The following ARHGAP24 variants were observed in gnomAD, a reference collection of about 807,000 sequenced individuals.
ARHGAP24 encodes the protein rho GTPase-activating protein 24.
In ARHGAP24, 50 loss-of-function variants were observed where a neutral mutation model predicts 76.4. The ratio of observed to expected loss-of-function variants is 0.65; its 90% confidence interval spans 0.52 to 0.83. ARHGAP24 has a LOEUF of 0.83. ARHGAP24 is among the 40% of genes least tolerant of loss of function. The pLI is 0.00. For missense variants in ARHGAP24, 930 were observed against 914.2 expected, an observed-to-expected ratio of 1.02 and a Z score of -0.22; for synonymous variants, 345 against 323.3, an observed-to-expected ratio of 1.07 and a Z score of -0.72.
chr4:85,689,183 G>T (rs930138317), intron 2 of ARHGAP24, among the ~76,000 whole-genome samples: 1 of 152,030 alleles, frequency 6.6e-6, no homozygotes, highest in Non-Finnish European at 1.5e-5. Flanking sequence ...CCATCAGCAT[G>T]GTTTATTCTT....
At chr4:85,880,517 TTTTGTGTGTG>T (rs889037340) in intron 3 of ARHGAP24, among the ~76,000 whole-genome samples, 4 of 22,596 alleles carry the variant, frequency 1.8e-4, no homozygotes, top group Admixed American at 6.8e-4. Context: ...AATGCATAAC[TTTTGTGTGTG>T]TGTGTGTGTG....
chr4:85,799,358 C>T (rs975009629), intron 3 of ARHGAP24, among the ~76,000 whole-genome samples: 1 of 151,932 alleles, frequency 6.6e-6, no homozygotes, highest in Non-Finnish European at 1.5e-5. Flanking sequence ...AAAGGGCCCA[C>T]TAACCAACTT....
At chr4:85,528,616 A>T (rs1475772351) in intron 1 of ARHGAP24, among the ~76,000 whole-genome samples, 1 of 152,008 alleles carries the variant, frequency 6.6e-6, no homozygotes, top group Non-Finnish European at 1.5e-5. Context: ...CATCTAATTT[A>T]TTGGGTTGAC....
chr4:85,974,994 G>A (rs1437369800), intron 7 of ARHGAP24, 33 bp downstream of exon 7: 3 of 1,577,882 alleles, frequency 1.9e-6, no homozygotes, highest in African/African-American at 1.3e-5. Context: ...ACGTAAACAA[G>A]ACAAGACATA....
chr4:85,584,213 C>T (rs1212883452), intron 2 of ARHGAP24, among the ~76,000 whole-genome samples: 7 of 152,042 alleles, frequency 4.6e-5, no homozygotes. Context: ...CAATGATAGA[C>T]TGGATTAAGA....
At chr4:85,675,909 C>A (rs146599637) in intron 2 of ARHGAP24, among the ~76,000 whole-genome samples, 4 of 152,264 alleles carry the variant, frequency 2.6e-5, no homozygotes, top group Admixed American at 2.6e-4. Context: ...ATATCTGACT[C>A]CTGCCCTGGA....
chr4:85,714,349 C>G (rs1724653686), intron 2 of ARHGAP24, among the ~76,000 whole-genome samples: 1 of 152,048 alleles, frequency 6.6e-6, no homozygotes, highest in East Asian at 1.9e-4. Flanking sequence ...TGTTAGTCTC[C>G]TAGGATCTGA....
chr4:85,901,434 A>G (rs528731671), intron 3 of ARHGAP24, among the ~76,000 whole-genome samples: 7 of 152,316 alleles, frequency 4.6e-5, no homozygotes, highest in African/African-American at 1.7e-4. Flanking sequence ...CATCTCTCAT[A>G]TTCTAATTGC....
chr4:85,733,519 G>A (rs1449006041), intron 3 of ARHGAP24, among the ~76,000 whole-genome samples: 2 of 152,154 alleles, frequency 1.3e-5, no homozygotes, highest in African/African-American at 2.4e-5. Flanking sequence ...TCACAAGAAA[G>A]GGGAGTGAGT....
chr4:85,569,554 G>A (rs188138861), intron 1 of ARHGAP24, among the ~76,000 whole-genome samples: 63 of 152,160 alleles, frequency 4.1e-4, no homozygotes, highest in African/African-American at 1.4e-3. Context: ...TAGTATGGCC[G>A]TATACTCCTT....
chr4:85,665,912 T>A (rs1049299920), intron 2 of ARHGAP24, among the ~76,000 whole-genome samples: 75 of 152,344 alleles, frequency 4.9e-4, no homozygotes, highest in African/African-American at 1.7e-3. Flanking sequence ...CTTCCCTTTG[T>A]GGGTAACCTG....
chr4:85,560,157 G>T (rs1476234122), intron 1 of ARHGAP24, among the ~76,000 whole-genome samples: 2 of 151,988 alleles, frequency 1.3e-5, no homozygotes, highest in Non-Finnish European at 2.9e-5. Flanking sequence ...TTCTACTCAG[G>T]TTATCAGCAT....
rs549105532 is a variant in ARHGAP24, at chr4:85,564,448, G to T, written c.-20-6074G>T. Among the ~76,000 whole-genome samples, 84 of 79,344 alleles carry T rather than the reference G, an allele frequency of 1.1e-3. 1 individual carries two copies. Among genetic ancestry groups the T allele is most frequent in the African/African-American group, 3.0e-3 (80 of 26,906 alleles). The allele number at this position is 79,344 out of a possible 152,430, so 52.1% of individuals were successfully genotyped here. On this transcript the variant is annotated intron_variant, in intron 1 of 9. Coordinates refer to ENST00000395184, the MANE Select transcript of ARHGAP24 (RefSeq NM_001025616.3). ...AGGAGATATACCTAATGTAAATGAC[G>T]AGTTAATGGGTGCAGCACACCAACA...
intron 1 of ARHGAP24, among the ~76,000 whole-genome samples, chr4:85,488,688 C>T (rs779668528): frequency 2.7e-4 from 41 of 152,144 alleles, no homozygotes; most frequent in Admixed American, 1.9e-3. Context: ...GAAAATTGAA[C>T]TTAAATGCTC....
At chr4:85,533,357 T>G (rs1420432236) in intron 1 of ARHGAP24, among the ~76,000 whole-genome samples, 1 of 152,218 alleles carries the variant, frequency 6.6e-6, no homozygotes, top group African/African-American at 2.4e-5. Flanking sequence ...GCATCCAATA[T>G]TTTTTAGACA....
intron 2 of ARHGAP24, among the ~76,000 whole-genome samples, chr4:85,690,852 T>C (rs1436513373): frequency 6.6e-6 from 1 of 151,900 alleles, no homozygotes; most frequent in Non-Finnish European, 1.5e-5. Flanking sequence ...TCTTCTCTAA[T>C]TTTAGTTATT....
At chr4:85,502,420 A>G (rs138579830) in intron 1 of ARHGAP24, among the ~76,000 whole-genome samples, 1 of 152,004 alleles carries the variant, frequency 6.6e-6, no homozygotes, top group South Asian at 2.1e-4. Context: ...TTGTAGTTCT[A>G]CTTGAAGAGG....
intron 1 of ARHGAP24, among the ~76,000 whole-genome samples, chr4:85,487,120 G>A (rs550969077): frequency 6.9e-6 from 1 of 144,952 alleles, no homozygotes; most frequent in East Asian, 2.0e-4. Context: ...TCTTGCATTT[G>A]TCAAGTCCTT....
chr4:85,854,848 A>C (rs992904089), intron 3 of ARHGAP24, among the ~76,000 whole-genome samples: 1 of 152,192 alleles, frequency 6.6e-6, no homozygotes, highest in Non-Finnish European at 1.5e-5. Context: ...CCAGCACCTA[A>C]CAGGCAGAAT....
Sources: allele counts gnomAD v4.1 joint callset (sites outside exome capture counted in the v4.1 genomes callset), GRCh38; gene constraint gnomAD v4.1.1; transcripts MANE v1.5; gene names NCBI Gene and HGNC (gene_info 2026-07-23, HGNC 2026-07-21).